CALN1: variants seen among roughly 807,000 people sequenced by gnomAD.
CALN1 encodes the protein calneuron 1.
A neutral mutation model predicts 30.6 loss-of-function variants in CALN1; 17 were observed. That is an observed-to-expected ratio of 0.56 (90% CI 0.38 to 0.83). The LOEUF is 0.83. CALN1 is among the 40% of genes least tolerant of loss of function. The pLI is 0.00. For missense variants in CALN1, 291 were observed against 354.9 expected, an observed-to-expected ratio of 0.82 and a Z score of 1.45; for synonymous variants, 156 against 131.4, an observed-to-expected ratio of 1.19 and a Z score of -1.28.
intron 4 of CALN1, among the ~76,000 whole-genome samples, chr7:72,031,242 G>A (rs1801418461): frequency 1.3e-5 from 2 of 152,256 alleles, no homozygotes; most frequent in South Asian, 4.2e-4. Flanking sequence ...TGGCGACCAG[G>A]TACACAGAGT....
At chr7:72,345,288 A>G (rs1802579786) in intron 2 of CALN1, among the ~76,000 whole-genome samples, 1 of 148,744 alleles carries the variant, frequency 6.7e-6, no homozygotes, top group African/African-American at 2.5e-5. Context: ...GAAACTGCAC[A>G]TGGTGAATGG....
At chr7:72,382,029 G>A (rs763913648) in intron 2 of CALN1, among the ~76,000 whole-genome samples, 8 of 152,138 alleles carry the variant, frequency 5.3e-5, no homozygotes, top group Non-Finnish European at 8.8e-5. Flanking sequence ...AGACTCACAG[G>A]TAATAGTTAA....
In CALN1 at chr7:72,036,547, A is replaced by T. The variant is rs186552403; in HGVS notation, c.389-12778T>A. ...TCAATCTTTTTTCTTTCATTTCCCC[A>T]GTCTTGGTAATTTCCTTTGTCCTAT... On this transcript the variant is annotated intron_variant, in intron 4 of 6. Transcript: ENST00000395275. Among the ~76,000 whole-genome samples, 440 of 152,016 alleles carry T rather than the reference A, an allele frequency of 2.9e-3. 1 individual carries two copies. The highest frequency in any genetic ancestry group is 0.017 in the Middle Eastern group (5 of 294).
chr7:72,421,305 G>A (rs1297949740), intron 1 of CALN1, among the ~76,000 whole-genome samples: 2 of 151,978 alleles, frequency 1.3e-5, no homozygotes, highest in African/African-American at 2.4e-5. Context: ...CCATTAGATC[G>A]CTCTGTATGT....
chr7:72,111,163 A>AT (rs1203991135), intron 3 of CALN1, among the ~76,000 whole-genome samples: 17 of 152,192 alleles, frequency 1.1e-4, no homozygotes, highest in Admixed American at 1.0e-3. Context: ...TAGTATGCCA[A>AT]TTTTAACCAC....
intron 3 of CALN1, among the ~76,000 whole-genome samples, chr7:72,155,969 C>T (rs1257889655): frequency 6.6e-6 from 1 of 152,166 alleles, no homozygotes; most frequent in Non-Finnish European, 1.5e-5. Flanking sequence ...TATAAGGACC[C>T]TTGTGGTTAC....
intron 5 of CALN1, among the ~76,000 whole-genome samples, chr7:71,867,513 CA>C (rs1327641873): frequency 1.3e-5 from 2 of 152,044 alleles, no homozygotes; most frequent in Non-Finnish European, 2.9e-5. Context: ...CGGCTCATTG[CA>C]ACCTCCACCT....
intron 5 of CALN1, among the ~76,000 whole-genome samples, chr7:71,857,030 G>A (rs1358130952): frequency 1.3e-5 from 2 of 150,052 alleles, no homozygotes; most frequent in Non-Finnish European, 3.0e-5. Flanking sequence ...GTGTGTGTGT[G>A]TGTGTGTGTG....
At chr7:72,054,433 GTA>G (rs60932081) in intron 4 of CALN1, among the ~76,000 whole-genome samples, 69,567 of 99,268 alleles carry the variant, frequency 0.7, 22,740 homozygotes, top group East Asian at 0.85. Context: ...ATATATACAC[GTA>G]TATATATATA....
chr7:72,079,823 T>G (rs1448160635), intron 4 of CALN1, among the ~76,000 whole-genome samples: 6 of 140,360 alleles, frequency 4.3e-5, no homozygotes, highest in African/African-American at 1.6e-4. Flanking sequence ...CAGGCTGGAG[T>G]GCTGTGGCGT....
chr7:72,230,632 T>C (rs1323235421), intron 3 of CALN1, among the ~76,000 whole-genome samples: 2 of 152,068 alleles, frequency 1.3e-5, no homozygotes, highest in Non-Finnish European at 2.9e-5. Flanking sequence ...GCAGACTCTA[T>C]AGAAGTTCGA....
intron 4 of CALN1, among the ~76,000 whole-genome samples, chr7:72,066,241 G>T (rs1804013350): frequency 6.6e-6 from 1 of 152,220 alleles, no homozygotes; most frequent in African/African-American, 2.4e-5. Flanking sequence ...TCAGGCACTG[G>T]CTTCAGGGAA....
intron 2 of CALN1, among the ~76,000 whole-genome samples, chr7:72,334,928 A>G (rs1801911130): frequency 6.6e-6 from 1 of 152,194 alleles, no homozygotes; most frequent in Non-Finnish European, 1.5e-5. Context: ...GTCTTCCACC[A>G]GGGCAGGCTA....
At chr7:72,399,270 C>CTTTTTTTTTTT (rs5884888) in intron 2 of CALN1, among the ~76,000 whole-genome samples, 2 of 106,794 alleles carry the variant, frequency 1.9e-5, no homozygotes, top group Non-Finnish European at 3.5e-5. Context: ...TAACCTATTG[C>CTTTTTTTTTTT]TTTTTTTTTT....
At chr7:72,160,792 C>T (rs187011744) in intron 3 of CALN1, among the ~76,000 whole-genome samples, 8 of 152,184 alleles carry the variant, frequency 5.3e-5, no homozygotes, top group Admixed American at 1.3e-4. Context: ...AGGGGCACGC[C>T]GCTGATGGCA....
intron 2 of CALN1, among the ~76,000 whole-genome samples, chr7:72,328,957 A>T (rs1310244142): frequency 6.6e-6 from 1 of 152,264 alleles, no homozygotes; most frequent in South Asian, 2.1e-4. Flanking sequence ...TCGGCCTCCC[A>T]AAGTGCTGGG....
chr7:71,891,254 C>T (rs989302281), intron 5 of CALN1, among the ~76,000 whole-genome samples: 1 of 152,164 alleles, frequency 6.6e-6, no homozygotes, highest in Non-Finnish European at 1.5e-5. Context: ...TTTTTGTCCA[C>T]AGCTCTTGCT....
At position 72,036,224 on chromosome 7, in the gene CALN1, G is replaced by T. The variant is rs529797814; in HGVS notation, c.389-12455C>A. Among the ~76,000 whole-genome samples the T allele has an allele frequency of 9.2e-5, 14 of 152,250 alleles. No individual in the cohort carries two copies. In the East Asian group the frequency reaches 2.3e-3, roughly 25 times the overall value. ...TGAGAAACATGCTGACAATCTTACT[G>T]ACAATCTCATATGTGATGAGACACC... On this transcript the variant is annotated intron_variant, in intron 4 of 6. Coordinates refer to ENST00000395275, the MANE Select transcript of CALN1 (RefSeq NM_031468.4).
chr7:71,868,882 G>A (rs569536032), intron 5 of CALN1, among the ~76,000 whole-genome samples: 4 of 152,334 alleles, frequency 2.6e-5, no homozygotes, highest in African/African-American at 9.6e-5. Context: ...TTCAATCACT[G>A]TGTTTGTAGC....
Sources: gnomAD v4.1 joint callset for allele counts (sites outside exome capture counted in the v4.1 genomes callset) on GRCh38, gnomAD v4.1.1 for gene constraint, MANE v1.5 for transcripts, NCBI Gene and HGNC (gene_info 2026-07-23, HGNC 2026-07-21) for gene names.